The following ADAM12 variants were observed in gnomAD, a reference collection of about 807,000 sequenced individuals.
ADAM12 encodes the protein disintegrin and metalloproteinase domain-containing protein 12.
In ADAM12, 70 loss-of-function variants were observed where a neutral mutation model predicts 106.4. The ratio of observed to expected loss-of-function variants is 0.66; its 90% CI spans 0.54 to 0.80. The LOEUF (loss-of-function observed/expected upper bound fraction) is 0.80, where lower values mean the gene tolerates loss of function less well. Among genes scored for constraint, ADAM12 ranks in the 30% least tolerant of loss-of-function variants. The pLI is 0.00. For missense variants in ADAM12, 1,010 were observed against 1,171.9 expected, an observed-to-expected ratio of 0.86 and a Z score of 2.02; for synonymous variants, 420 against 433.5, an observed-to-expected ratio of 0.97 and a Z score of 0.39.
intron 2 of ADAM12, among the ~76,000 whole-genome samples, chr10:126,308,732 G>A (rs1357006940): frequency 6.6e-6 from 1 of 152,194 alleles, no homozygotes; most frequent in African/African-American, 2.4e-5. Flanking sequence ...GATGCCTGGT[G>A]TACTTTGTGG....
intron 3 of ADAM12, among the ~76,000 whole-genome samples, chr10:126,231,548 T>C (rs772939227): frequency 2.6e-5 from 4 of 152,184 alleles, no homozygotes; most frequent in Non-Finnish European, 4.4e-5. Context: ...CTGCTTTTCT[T>C]ACCTTCCATC....
intron 22 of ADAM12, 57 bp downstream of exon 22, chr10:126,019,638 G>A (rs1953724099): frequency 6.3e-7 from 1 of 1,587,618 alleles, no homozygotes; most frequent in African/African-American, 1.3e-5. Flanking sequence ...GATTAGTCGT[G>A]GTTGGTCCCA....
At chr10:126,371,965 T>C (rs1856126784) in intron 1 of ADAM12, among the ~76,000 whole-genome samples, 1 of 152,232 alleles carries the variant, frequency 6.6e-6, no homozygotes, top group Non-Finnish European at 1.5e-5. Context: ...GACCATTTTG[T>C]GTGCTATAAG....
At chr10:126,063,790 G>A (rs954056962) in intron 14 of ADAM12, among the ~76,000 whole-genome samples, 1 of 152,226 alleles carries the variant, frequency 6.6e-6, no homozygotes, top group Non-Finnish European at 1.5e-5. Context: ...ATGGTTCTGG[G>A]GTGACGGGGC....
Position 126,017,231 on chromosome 10 carries a change from A to G in ADAM12, c.*48T>C. 1 of 1,492,662 alleles carries G rather than the reference A, an allele frequency of 6.7e-7. No homozygotes were observed. The highest frequency in any genetic ancestry group is 9.1e-7 in the Non-Finnish European group (1 of 1,102,866). 92.5% of individuals were successfully genotyped at this position (1,492,662 alleles called of 1,614,324 possible). A position where few individuals can be genotyped will look rare whatever the true frequency, so the allele number is the denominator to read the frequency against. On this transcript the variant is annotated 3_prime_UTR_variant, in exon 23 of 23. Transcript: ENST00000448723. Reference sequence around the variant, plus strand: ...ACAAAAAACTCCAACTGGAGCTGAAAGATAGTGCAAACTTCTGTCTTCACT... The same window carrying G: ...ACAAAAAACTCCAACTGGAGCTGAAGGATAGTGCAAACTTCTGTCTTCACT...
chr10:126,321,568 T>C (rs1334138777), intron 2 of ADAM12, among the ~76,000 whole-genome samples: 1 of 152,024 alleles, frequency 6.6e-6, no homozygotes, highest in African/African-American at 2.4e-5. Flanking sequence ...CCTCTTTGTG[T>C]GTTGGCCAAA....
chr10:126,057,118 T>C (rs1954645438), intron 14 of ADAM12, among the ~76,000 whole-genome samples: 1 of 36,652 alleles, frequency 2.7e-5, no homozygotes, highest in Non-Finnish European at 5.5e-5. Context: ...CACCTGTTGT[T>C]TCCTGACTTT....
chr10:126,026,905 A>G (rs970662832), intron 21 of ADAM12, among the ~76,000 whole-genome samples: 1 of 152,220 alleles, frequency 6.6e-6, no homozygotes, highest in Non-Finnish European at 1.5e-5. Context: ...GCAAAAGACA[A>G]GAAATAACCA....
intron 3 of ADAM12, among the ~76,000 whole-genome samples, chr10:126,256,859 T>C (rs1185440098): frequency 1.3e-5 from 2 of 152,192 alleles, no homozygotes; most frequent in South Asian, 2.1e-4. Flanking sequence ...TTAAGTACTA[T>C]ATTGCATATA....
chr10:126,185,845 G>A (rs1169970786), intron 3 of ADAM12, among the ~76,000 whole-genome samples: 2 of 152,090 alleles, frequency 1.3e-5, no homozygotes, highest in Non-Finnish European at 2.9e-5. Flanking sequence ...CATTCTCCTG[G>A]CCCCAGTTAT....
Position 126,089,773 on chromosome 10 carries a change from A to G in ADAM12, c.1145+4212T>C, listed in dbSNP as rs547669715. Among the ~76,000 whole-genome samples the G allele has an allele frequency of 7.2e-5, 11 of 151,862 alleles. No homozygotes were observed. In the South Asian group the frequency reaches 1.9e-3, roughly 26 times the overall value. ...GTGTCCCCACAGCGCCCACAGGCCC[A>G]TGGTCCCCTGCACCTGAACTCCCTT... is the stretch of plus-strand genomic sequence containing the variant. On this transcript the variant is annotated intron_variant, in intron 11 of 22. Transcript: ENST00000448723.
At chr10:126,137,886 G>T (rs1353598722) in intron 4 of ADAM12, among the ~76,000 whole-genome samples, 1 of 152,180 alleles carries the variant, frequency 6.6e-6, no homozygotes, top group Non-Finnish European at 1.5e-5. Context: ...AGTTCTCTTG[G>T]ATATGCACTA....
chr10:126,162,878 A>C (rs1467859190), intron 3 of ADAM12, among the ~76,000 whole-genome samples: 2 of 152,194 alleles, frequency 1.3e-5, no homozygotes, highest in African/African-American at 4.8e-5. Flanking sequence ...ATTGAATTGT[A>C]ATCCCCAAAG....
intron 3 of ADAM12, among the ~76,000 whole-genome samples, chr10:126,267,820 G>T (rs1959129310): frequency 6.6e-6 from 1 of 150,874 alleles, no homozygotes; most frequent in South Asian, 2.1e-4. Flanking sequence ...AGAGAGGTGG[G>T]GGGCGGTGGG....
At chr10:126,175,950 C>T (rs773346360) in intron 3 of ADAM12, among the ~76,000 whole-genome samples, 3 of 152,172 alleles carry the variant, frequency 2.0e-5, no homozygotes, top group Non-Finnish European at 2.9e-5. Context: ...ATATGGGTCT[C>T]GTAAGGTCTC....
intron 3 of ADAM12, among the ~76,000 whole-genome samples, chr10:126,180,180 C>A (rs1209498816): frequency 6.6e-6 from 1 of 152,100 alleles, no homozygotes; most frequent in African/African-American, 2.4e-5. Flanking sequence ...TATTAATATC[C>A]AAATTTATAC....
intron 3 of ADAM12, among the ~76,000 whole-genome samples, chr10:126,188,712 TC>T (rs1207497034): frequency 1.3e-5 from 2 of 152,200 alleles, no homozygotes; most frequent in Non-Finnish European, 2.9e-5. Flanking sequence ...CCTTTGGGAA[TC>T]TTTTTTTCAA....
intron 4 of ADAM12, among the ~76,000 whole-genome samples, chr10:126,150,875 CT>C: frequency 6.6e-6 from 1 of 152,178 alleles, no homozygotes; most frequent in East Asian, 1.9e-4. Context: ...TCATCCCCAT[CT>C]TGGTCTTCTT....
intron 21 of ADAM12, among the ~76,000 whole-genome samples, chr10:126,031,344 T>G (rs546423223): frequency 6.6e-6 from 1 of 152,184 alleles, no homozygotes; most frequent in African/African-American, 2.4e-5. Context: ...CAAGTGCAGG[T>G]TTCAATATCA....
Sources: allele counts gnomAD v4.1 joint callset (sites outside exome capture counted in the v4.1 genomes callset), GRCh38; gene constraint gnomAD v4.1.1; transcripts MANE v1.5; gene names NCBI Gene and HGNC (gene_info 2026-07-23, HGNC 2026-07-21).